Variants in WFDC1 observed in about 807,000 individuals in gnomAD.
The protein encoded by WFDC1 is WAP four-disulfide core domain protein 1.
In WFDC1, 39 loss-of-function variants were observed where a neutral mutation model predicts 32.9. The ratio of observed to expected loss-of-function variants is 1.19; its 90% CI spans 0.92 to 1.55. WFDC1 has a LOEUF of 1.55. Among genes scored for constraint, WFDC1 ranks in the 40% most tolerant of loss-of-function variants. WFDC1 has a pLI of 0.00. For missense variants in WFDC1, 386 were observed against 309.5 expected (o/e 1.25, Z -1.85); for synonymous variants, 184 against 137.4 (o/e 1.34, Z -2.37).
At chr16:84,306,833 A>C (rs573974813) in intron 1 of WFDC1, among the ~76,000 whole-genome samples, 1 of 152,292 alleles carries the variant, frequency 6.6e-6, no homozygotes, top group Non-Finnish European at 1.5e-5. Context: ...AGTACTTGCT[A>C]TGTGCCAGGC....
intron 1 of WFDC1, among the ~76,000 whole-genome samples, chr16:84,299,764 C>A (rs1168733457): frequency 6.6e-6 from 1 of 152,230 alleles, no homozygotes; most frequent in East Asian, 1.9e-4. Flanking sequence ...CCCTCCAGGG[C>A]AGCTGGAAAT....
chr16:84,299,410 A>T lies in WFDC1; in HGVS notation c.144+4295A>T, dbSNP rs924648126. 1.6e-4 allele frequency among the ~76,000 whole-genome samples: 25 copies of T among 152,088 alleles called. 1 individual carries two copies. The highest frequency in any genetic ancestry group is 4.6e-4 in the African/African-American group (19 of 41,532). On this transcript the variant is annotated intron_variant, in intron 1 of 6. Coordinates refer to ENST00000219454, the MANE Select transcript of WFDC1 (RefSeq NM_021197.4). ...GCAAAAAAAAAAAACCAAAAACCCC[A>T]TTCCAGAACCAAATATTTATGAGAA...
chr16:84,312,967 GA>G lies in WFDC1; in HGVS notation c.152del (p.Glu51GlyfsTer55). 8.6e-7 allele frequency: 1 copy of G among 1,160,840 alleles called. No individual in the cohort carries two copies. Among genetic ancestry groups the G allele is most frequent in the Non-Finnish European group, 1.1e-6 (1 of 943,258 alleles). 71.9% of individuals were successfully genotyped at this position (1,160,840 alleles called of 1,614,324 possible). A position where few individuals can be genotyped will look rare whatever the true frequency, so the allele number is the denominator to read the frequency against. On this transcript the variant is annotated frameshift_variant, in exon 2 of 7. Transcript: ENST00000219454. LOFTEE classifies it high-confidence loss of function. ...ARLAEKSRAE[E>X]AGAPGGPRQP... is the part of the protein sequence containing the mutation. The stretch of plus-strand genomic sequence containing the variant: ...CACCGCCCTCTCCCCGCAGGCCGAG[GA>G]GGCGGGCGCGCCCGGCGGCCCCCGG...
intron 1 of WFDC1, among the ~76,000 whole-genome samples, chr16:84,311,554 G>A (rs1449228258): frequency 2.3e-5 from 3 of 131,546 alleles, no homozygotes; most frequent in African/African-American, 1.0e-4. Context: ...TTTTTAACAG[G>A]GTCTCACTCT....
At chr16:84,320,290 A>G (rs1908232223) in intron 4 of WFDC1, among the ~76,000 whole-genome samples, 1 of 152,216 alleles carries the variant, frequency 6.6e-6, no homozygotes, top group Non-Finnish European at 1.5e-5. Flanking sequence ...TGTTCAGTGC[A>G]TTTTGACTTA....
intron 1 of WFDC1, among the ~76,000 whole-genome samples, chr16:84,299,580 A>G (rs1906813100): frequency 6.6e-6 from 1 of 152,184 alleles, no homozygotes; most frequent in Non-Finnish European, 1.5e-5. Flanking sequence ...GAGCGCTTAC[A>G]CTGTGTCAGG....
Position 84,304,672 on chromosome 16 carries a change from G to A in WFDC1, c.145-8289G>A, listed in dbSNP as rs554647142. Among the ~76,000 whole-genome samples, 6 of 152,336 alleles carry A rather than the reference G, an allele frequency of 3.9e-5. No homozygotes were observed. The South Asian group carries it at 6.2e-4, about 16-fold the overall frequency. On this transcript the variant is annotated intron_variant, in intron 1 of 6. Coordinates refer to ENST00000219454, the MANE Select transcript of WFDC1 (RefSeq NM_021197.4). ...AATGAAAATAAAAGCTGGAAATCAC[G>A]GGTTGCTCTGGGGTTTTCAGGAAGG...
intron 4 of WFDC1, among the ~76,000 whole-genome samples, chr16:84,321,407 A>G (rs1908296854): frequency 6.6e-6 from 1 of 152,194 alleles, no homozygotes; most frequent in Non-Finnish European, 1.5e-5. Flanking sequence ...AGCCACTGTG[A>G]GGCTGCTGGA....
intron 1 of WFDC1, among the ~76,000 whole-genome samples, chr16:84,297,853 C>T (rs914052506): frequency 1.3e-5 from 2 of 152,078 alleles, no homozygotes; most frequent in African/African-American, 4.8e-5. Context: ...TTTCATGGCC[C>T]TTTCGTTCGA....
Position 84,329,681 on chromosome 16 carries a change from T to C in WFDC1, c.*375T>C, listed in dbSNP as rs1908809546. 6.6e-6 allele frequency: 1 copy of C among 152,044 alleles called. No homozygotes were observed. Among genetic ancestry groups the C allele is most frequent in the South Asian group, 2.1e-4 (1 of 4,828 alleles). The allele number at this position is 152,044 out of a possible 1,614,324, so 9.4% of individuals were successfully genotyped here. A position where few individuals can be genotyped will look rare whatever the true frequency, so the allele number is the denominator to read the frequency against. On this transcript the variant is annotated 3_prime_UTR_variant, in exon 7 of 7. Transcript: ENST00000219454. ...TCCTCCCAAGTCTGGCTCTGGGAGG[T>C]ATGTACCCATCTCAAATGTTCCCAA... is the stretch of plus-strand genomic sequence containing the variant.
chr16:84,312,992 G>T lies in WFDC1; in HGVS notation c.176G>T (p.Arg59Leu). 8.3e-7 allele frequency: 1 copy of T among 1,200,752 alleles called. No individual in the cohort carries two copies. The highest frequency in any genetic ancestry group is 1.0e-6 in the Non-Finnish European group (1 of 968,742). 74.4% of individuals were successfully genotyped at this position (1,200,752 alleles called of 1,614,324 possible). A position where few individuals can be genotyped will look rare whatever the true frequency, so the allele number is the denominator to read the frequency against. Residue 59 changes from arginine (R) to leucine (L), a missense_variant, in exon 2 of 7, where the codon CGG (arginine) becomes CTG (leucine). Arg to Leu is a moderately radical substitution (Grantham distance 102, BLOSUM62 -2). Coordinates refer to ENST00000219454, the MANE Select transcript of WFDC1 (RefSeq NM_021197.4). ...AEEAGAPGGP[R>L]QPRADRCPPP... ...GAGGCGGGCGCGCCCGGCGGCCCCC[G>T]GCAGCCCCGAGCAGACCGCTGCCCG...
intron 1 of WFDC1, among the ~76,000 whole-genome samples, chr16:84,312,431 T>C (rs1287702376): frequency 6.6e-6 from 1 of 152,124 alleles, no homozygotes; most frequent in Non-Finnish European, 1.5e-5. Flanking sequence ...TTGATCTGGC[T>C]TTTTTCCTTT....
At chr16:84,322,632 T>TG (rs1165464841) in intron 4 of WFDC1, among the ~76,000 whole-genome samples, 1 of 152,242 alleles carries the variant, frequency 6.6e-6, no homozygotes, top group East Asian at 1.9e-4. Context: ...ACACCTAAGA[T>TG]GCCATCCTCC....
At chr16:84,321,879 C>A (rs1216331470) in intron 4 of WFDC1, among the ~76,000 whole-genome samples, 1 of 152,204 alleles carries the variant, frequency 6.6e-6, no homozygotes, top group East Asian at 1.9e-4. Context: ...GGTCACCCAA[C>A]CTCTCTTAGC....
At chr16:84,316,978 CA>C (rs578019368) in intron 2 of WFDC1, 7,453 of 133,400 alleles carry the variant, frequency 0.056, 291 homozygotes, top group African/African-American at 0.12. Context: ...AACTTTGTCT[CA>C]AAAAAAAAAA....
At chr16:84,321,646 C>A (rs1046647797) in intron 4 of WFDC1, among the ~76,000 whole-genome samples, 4 of 152,338 alleles carry the variant, frequency 2.6e-5, no homozygotes, top group African/African-American at 4.8e-5. Context: ...CATTTCAAGA[C>A]AGAGCTAAGC....
chr16:84,318,007 G>T, intron 2 of WFDC1: 1 of 385,298 alleles, frequency 2.6e-6, no homozygotes, highest in Non-Finnish European at 4.9e-6. Context: ...GGTGAGACAG[G>T]AAGTTGCATG....
chr16:84,318,912 G>T (rs1242248869), intron 3 of WFDC1: 1 of 782 alleles, frequency 1.3e-3, no homozygotes, highest in African/African-American at 2.9e-3. Context: ...CTGAATATTT[G>T]TGTGTGTGTG....
chr16:84,319,093 G>C, intron 3 of WFDC1: 1 of 361,598 alleles, frequency 2.8e-6, no homozygotes, highest in Non-Finnish European at 5.1e-6. Context: ...TTGTGTAAAT[G>C]TCTGTGTCCC....
Sources: gnomAD v4.1 joint callset for allele counts (sites outside exome capture counted in the v4.1 genomes callset) on GRCh38, gnomAD v4.1.1 for gene constraint, MANE v1.5 for transcripts, NCBI Gene and HGNC (gene_info 2026-07-23, HGNC 2026-07-21) for gene names.